Variants in CAP2 observed in about 807,000 individuals in gnomAD.
CAP2 encodes the protein adenylyl cyclase-associated protein 2.
In CAP2, 24 loss-of-function variants were observed where a neutral mutation model predicts 57.7. That is an observed-to-expected ratio of 0.42 (90% CI 0.30 to 0.58). The LOEUF is 0.58. Ranked by LOEUF, CAP2 falls within the 20% of genes least tolerant of loss-of-function variation. The pLI is 0.22. For missense variants in CAP2, 501 were observed against 590.3 expected, an observed-to-expected ratio of 0.85 and a Z score of 1.57; for synonymous variants, 194 against 207.2, an observed-to-expected ratio of 0.94 and a Z score of 0.55.
rs1763346306 is a variant in CAP2 at position 17,557,686 on chromosome 6, A to G, written c.*1244A>G. The G allele has an allele frequency of 1.3e-5, 2 of 152,216 alleles. No individual in the cohort carries two copies. The highest frequency in any genetic ancestry group is 2.4e-5 in the African/African-American group (1 of 41,448). 9.4% of individuals were successfully genotyped at this position (152,216 alleles called of 1,614,324 possible). ...GCTCATGTACCAAGGTTTTGCTATAAAAGTTTTGTCTGTATGAATAATGTG... is the reference window on the plus strand; with the variant it reads ...GCTCATGTACCAAGGTTTTGCTATAGAAGTTTTGTCTGTATGAATAATGTG... On this transcript the variant is annotated 3_prime_UTR_variant, in exon 13 of 13. Transcript: ENST00000229922.
At chr6:17,453,964 A>G (rs1760483261) in intron 3 of CAP2, among the ~76,000 whole-genome samples, 1 of 139,018 alleles carries the variant, frequency 7.2e-6, no homozygotes, top group African/African-American at 2.8e-5. Context: ...GGCTCACTGC[A>G]GCCTCAGCCT....
chr6:17,504,933 A>G (rs1168051080), intron 4 of CAP2, among the ~76,000 whole-genome samples: 2 of 152,234 alleles, frequency 1.3e-5, no homozygotes, highest in African/African-American at 2.4e-5. Flanking sequence ...CTGTTAATCT[A>G]TATAGATGTC....
At chr6:17,442,601 G>GAGCT in intron 3 of CAP2, among the ~76,000 whole-genome samples, 1 of 152,260 alleles carries the variant, frequency 6.6e-6, no homozygotes, top group African/African-American at 2.4e-5. Context: ...AAGTTCCTGA[G>GAGCT]AGCTGGCTGG....
intron 4 of CAP2, among the ~76,000 whole-genome samples, chr6:17,474,582 T>C (rs1761101518): frequency 6.6e-6 from 1 of 152,242 alleles, no homozygotes; most frequent in South Asian, 2.1e-4. Flanking sequence ...CTGCATCTAT[T>C]ATTTCATTTG....
intron 7 of CAP2, among the ~76,000 whole-genome samples, chr6:17,533,078 CAAAAA>C (rs58337644): frequency 2.3e-5 from 2 of 87,550 alleles, no homozygotes; most frequent in African/African-American, 4.3e-5. Context: ...CACCCCCCAC[CAAAAA>C]AAAAAAAAAA....
intron 4 of CAP2, among the ~76,000 whole-genome samples, chr6:17,496,960 A>C (rs1761685358): frequency 6.6e-6 from 1 of 152,206 alleles, no homozygotes; most frequent in Admixed American, 6.5e-5. Context: ...TGGGCTGGGA[A>C]CTTCAAATGG....
chr6:17,404,269 G>C (rs181096919), intron 1 of CAP2, among the ~76,000 whole-genome samples: 1 of 152,120 alleles, frequency 6.6e-6, no homozygotes, highest in South Asian at 2.1e-4. Context: ...TCAGGCGTTC[G>C]AGACCAGCCT....
At chr6:17,417,947 T>C (rs980175967) in intron 1 of CAP2, among the ~76,000 whole-genome samples, 2 of 152,218 alleles carry the variant, frequency 1.3e-5, no homozygotes, top group Non-Finnish European at 2.9e-5. Context: ...CTGTATTTGC[T>C]TTGACTACCC....
At chr6:17,555,199 A>T (rs964091771) in intron 12 of CAP2, among the ~76,000 whole-genome samples, 1 of 149,456 alleles carries the variant, frequency 6.7e-6, no homozygotes, top group African/African-American at 2.5e-5. Flanking sequence ...CAGAATCTGC[A>T]TTTTTTTTTT....
In CAP2 at chr6:17,539,360, C is replaced by T; in HGVS notation, c.728C>T (p.Pro243Leu). ...PPPPPLPPPG[P>L]PPLFENEGKK... ...CCTCCTCCTCTGCCTCCTCCAGGGC[C>T]ACCTCCACTTTTCGAGAATGAAGGC... is the stretch of plus-strand genomic sequence containing the variant. The change falls in exon 8 of 13, where the codon CCA (proline) becomes CTA (leucine). Residue 243 changes from proline (P) to leucine (L), a missense_variant. Pro to Leu is a moderately conservative substitution (Grantham distance 98). Coordinates refer to ENST00000229922, the MANE Select transcript of CAP2 (RefSeq NM_006366.3). 1 of 1,614,166 alleles carries T rather than the reference C, an allele frequency of 6.2e-7. No homozygotes were observed. The highest frequency in any genetic ancestry group is 1.1e-5 in the South Asian group (1 of 91,086).
At chr6:17,466,681 T>C (rs1259007429) in intron 4 of CAP2, among the ~76,000 whole-genome samples, 1 of 152,232 alleles carries the variant, frequency 6.6e-6, no homozygotes, top group Non-Finnish European at 1.5e-5. Flanking sequence ...CTGGTGCTGC[T>C]GATTTCTCAC....
At chr6:17,450,682 T>A (rs1760378658) in intron 3 of CAP2, among the ~76,000 whole-genome samples, 1 of 152,234 alleles carries the variant, frequency 6.6e-6, no homozygotes, top group African/African-American at 2.4e-5. Flanking sequence ...CCCAGTGGTC[T>A]AACACTGACA....
intron 3 of CAP2, among the ~76,000 whole-genome samples, chr6:17,430,387 T>C (rs1759696256): frequency 6.6e-6 from 1 of 152,236 alleles, no homozygotes; most frequent in Non-Finnish European, 1.5e-5. Context: ...GATAATTTTA[T>C]GCATAATTGC....
At position 17,539,262 on chromosome 6, in the gene CAP2, T is replaced by C; in HGVS notation, c.637-7T>C. On this transcript the variant is annotated splice_polypyrimidine_tract_variant and splice_region_variant and intron_variant, in intron 7 of 12. Transcript: ENST00000229922. ...GCAATGCAATGCCCTGTCTTCTGTC[T>C]TCTCAGGGTCCTGTAGCATCCACAG... 1 of 1,600,832 alleles carries C rather than the reference T, an allele frequency of 6.2e-7. No homozygotes were observed. Among genetic ancestry groups the C allele is most frequent in the Non-Finnish European group, 8.5e-7 (1 of 1,172,250 alleles).
intron 4 of CAP2, among the ~76,000 whole-genome samples, chr6:17,488,974 T>C (rs976937403): frequency 3.3e-5 from 5 of 152,162 alleles, no homozygotes; most frequent in African/African-American, 1.2e-4. Context: ...GAAACTCCAC[T>C]GTGCTGAGGG....
At chr6:17,493,775 C>CAA (rs10647199) in intron 4 of CAP2, among the ~76,000 whole-genome samples, 23,022 of 103,304 alleles carry the variant, frequency 0.22, 1,848 homozygotes, top group East Asian at 0.28. Flanking sequence ...GAGGAGGGGG[C>CAA]AAAAAAAAAA....
intron 7 of CAP2, among the ~76,000 whole-genome samples, chr6:17,522,611 G>A (rs1356696961): frequency 1.3e-5 from 2 of 152,206 alleles, no homozygotes; most frequent in Non-Finnish European, 2.9e-5. Flanking sequence ...AGAGAATTCA[G>A]CATATGTACG....
Position 17,463,005 on chromosome 6 carries a change from G to A in CAP2, c.232G>A (p.Val78Met). 6.2e-7 allele frequency: 1 copy of A among 1,613,956 alleles called. No individual in the cohort carries two copies. The highest frequency in any genetic ancestry group is 8.5e-7 in the Non-Finnish European group (1 of 1,179,850). The change falls in exon 4 of 13, where the codon GTG becomes ATG. Residue 78 changes from valine (V) to methionine (M), a missense_variant. Physicochemically the swap from Val to Met is conservative, Grantham distance 21. Transcript: ENST00000229922. ...AGDVETHAEMVHSAFQAQRAF... is the reference protein window; with the variant it reads ...AGDVETHAEMMHSAFQAQRAF... Reference sequence around the variant, plus strand: ...TCCTCTTTGTTCCCAGGCAGAAATGGTGCACAGTGCTTTCCAGGCCCAGCG... The same window carrying A: ...TCCTCTTTGTTCCCAGGCAGAAATGATGCACAGTGCTTTCCAGGCCCAGCG...
intron 3 of CAP2, among the ~76,000 whole-genome samples, chr6:17,433,744 G>A (rs372981409): frequency 2.6e-5 from 4 of 152,376 alleles, no homozygotes; most frequent in East Asian, 3.8e-4. Context: ...ACGTGGAGAA[G>A]TTTTATTCTC....
Sources: allele counts gnomAD v4.1 joint callset (sites outside exome capture counted in the v4.1 genomes callset), GRCh38; gene constraint gnomAD v4.1.1; transcripts MANE v1.5; gene names NCBI Gene and HGNC (gene_info 2026-07-23, HGNC 2026-07-21).